Variants in MEIKIN observed in about 807,000 individuals in gnomAD.
MEIKIN encodes the protein meiosis-specific kinetochore protein.
intron 5 of MEIKIN, among the ~76,000 whole-genome samples, chr5:131,927,824 T>C (rs1343168870): frequency 6.6e-6 from 1 of 152,202 alleles, no homozygotes; most frequent in Admixed American, 6.5e-5. Context: ...TTTCCATCTC[T>C]CCATTTTTAG....
In MEIKIN at chr5:131,945,383, G is replaced by A. The variant is rs920399162; in HGVS notation, c.106+17C>T. 7.5e-6 allele frequency: 3 copies of A among 399,006 alleles called. No homozygotes were observed. The highest frequency in any genetic ancestry group is 3.6e-5 in the East Asian group (1 of 28,048). 24.7% of individuals were successfully genotyped at this position (399,006 alleles called of 1,614,324 possible). Reference sequence around the variant, plus strand: ...CAGCTCGGCTGAGCTTACGGTGGGCGAGCCTTGAGCCTGTACCTGGCGGGG... The same window carrying A: ...CAGCTCGGCTGAGCTTACGGTGGGCAAGCCTTGAGCCTGTACCTGGCGGGG... On this transcript the variant is annotated intron_variant, in intron 1 of 12. Transcript: ENST00000442687.
chr5:131,841,484 T>C (rs1287823633), intron 11 of MEIKIN, among the ~76,000 whole-genome samples: 2 of 152,212 alleles, frequency 1.3e-5, no homozygotes, highest in Admixed American at 1.3e-4. Context: ...TACACAGGTA[T>C]AGACTACTAT....
chr5:131,835,803 C>T (rs1045806825), intron 11 of MEIKIN, among the ~76,000 whole-genome samples: 3 of 152,212 alleles, frequency 2.0e-5, no homozygotes, highest in African/African-American at 7.2e-5. Context: ...CTGTGTTAGC[C>T]AGGATGGTCT....
At chr5:131,934,297 G>T (rs1205002500) in intron 4 of MEIKIN, among the ~76,000 whole-genome samples, 2 of 151,932 alleles carry the variant, frequency 1.3e-5, no homozygotes, top group African/African-American at 4.8e-5. Context: ...CCCATTAATT[G>T]TAAGCTAACT....
chr5:131,889,274 G>T (rs1420331792), intron 8 of MEIKIN, among the ~76,000 whole-genome samples: 8 of 152,126 alleles, frequency 5.3e-5, no homozygotes, highest in Non-Finnish European at 1.2e-4. Context: ...TGATGGGGAT[G>T]GCATTGAATC....
intron 11 of MEIKIN, among the ~76,000 whole-genome samples, chr5:131,841,177 A>G (rs1189819599): frequency 6.6e-6 from 1 of 152,168 alleles, no homozygotes; most frequent in African/African-American, 2.4e-5. Flanking sequence ...CTGGGCCCCA[A>G]CTTTGTTCTC....
intron 11 of MEIKIN, among the ~76,000 whole-genome samples, chr5:131,828,337 A>AT (rs1437675064): frequency 1.3e-5 from 2 of 151,520 alleles, no homozygotes; most frequent in East Asian, 2.0e-4. Context: ...TAATTTTTGT[A>AT]TTTTTTTTAG....
In MEIKIN at chr5:131,849,074, CATT is replaced by C. The variant is rs1484413903; in HGVS notation, c.975+2187_975+2189del. On this transcript the variant is annotated intron_variant, in intron 11 of 12. Transcript: ENST00000442687. Reference sequence around the variant, plus strand: ...GAAACTACTTCAACAAAATAAAAGCCATTGATACGGTTTGGATTTGTGTCCCTG... The same window carrying C: ...GAAACTACTTCAACAAAATAAAAGCCGATACGGTTTGGATTTGTGTCCCTG... Among the ~76,000 whole-genome samples, 5 of 152,194 alleles carry C rather than the reference CATT, an allele frequency of 3.3e-5. No homozygotes were observed. The East Asian group carries it at 7.7e-4, about 24-fold the overall frequency.
At chr5:131,867,902 G>A (rs1750414982) in intron 9 of MEIKIN, among the ~76,000 whole-genome samples, 1 of 152,154 alleles carries the variant, frequency 6.6e-6, no homozygotes, top group Non-Finnish European at 1.5e-5. Context: ...GAATGTAATT[G>A]CTGGATCATA....
In MEIKIN at chr5:131,936,282, T is replaced by C. The variant is rs140369277; in HGVS notation, c.350-2641A>G. Reference sequence around the variant, plus strand: ...AAAATGACAAATAGTTCTACAAGGCTTATAGCAAAAACTGCAATCTCTTGT... The same window carrying C: ...AAAATGACAAATAGTTCTACAAGGCCTATAGCAAAAACTGCAATCTCTTGT... On this transcript the variant is annotated intron_variant, in intron 4 of 12. Coordinates refer to ENST00000442687, the MANE Select transcript of MEIKIN (RefSeq NM_001303622.2). 4.7e-3 allele frequency among the ~76,000 whole-genome samples: 721 copies of C among 152,360 alleles called. 8 individuals carry two copies. Among genetic ancestry groups the C allele is most frequent in the African/African-American group, 0.016 (685 of 41,586 alleles).
At chr5:131,883,281 G>A (rs928819245) in intron 8 of MEIKIN, among the ~76,000 whole-genome samples, 5 of 152,104 alleles carry the variant, frequency 3.3e-5, no homozygotes. Context: ...TAGGTTAAGA[G>A]AAAACCTGGA....
chr5:131,864,734 G>T (rs1026322748), intron 9 of MEIKIN, among the ~76,000 whole-genome samples: 2 of 152,164 alleles, frequency 1.3e-5, no homozygotes, highest in African/African-American at 4.8e-5. Flanking sequence ...AAATCACTGA[G>T]CCTCCTGTAT....
intron 8 of MEIKIN, among the ~76,000 whole-genome samples, chr5:131,884,817 G>C (rs1750750851): frequency 6.6e-6 from 1 of 151,232 alleles, no homozygotes; most frequent in Non-Finnish European, 1.5e-5. Flanking sequence ...TGAAGGGTGA[G>C]TCCCAGGCAG....
intron 8 of MEIKIN, among the ~76,000 whole-genome samples, chr5:131,904,751 T>C (rs1751216361): frequency 6.6e-6 from 1 of 152,122 alleles, no homozygotes; most frequent in South Asian, 2.1e-4. Flanking sequence ...CAAATGCCCA[T>C]CAATGATAGG....
At chr5:131,837,009 T>C (rs1285682832) in intron 11 of MEIKIN, among the ~76,000 whole-genome samples, 1 of 152,084 alleles carries the variant, frequency 6.6e-6, no homozygotes, top group Non-Finnish European at 1.5e-5. Flanking sequence ...TTGGGTTTTA[T>C]ATTTAGGCCT....
At chr5:131,837,032 G>T (rs1313286843) in intron 11 of MEIKIN, among the ~76,000 whole-genome samples, 1 of 151,996 alleles carries the variant, frequency 6.6e-6, no homozygotes, top group East Asian at 1.9e-4. Flanking sequence ...AATCCATCTC[G>T]AGTTGATTTT....
At chr5:131,869,339 G>C (rs188016239) in intron 9 of MEIKIN, among the ~76,000 whole-genome samples, 1 of 152,128 alleles carries the variant, frequency 6.6e-6, no homozygotes, top group African/African-American at 2.4e-5. Flanking sequence ...CCATCGATCT[G>C]TTTGTTTATT....
intron 12 of MEIKIN, among the ~76,000 whole-genome samples, chr5:131,815,171 A>G (rs1016713333): frequency 2.0e-5 from 3 of 152,186 alleles, no homozygotes; most frequent in African/African-American, 4.8e-5. Context: ...CGTCACAGCA[A>G]AAGAATTTCA....
intron 8 of MEIKIN, among the ~76,000 whole-genome samples, chr5:131,910,390 T>TA (rs1751314548): frequency 6.6e-6 from 1 of 151,872 alleles, no homozygotes; most frequent in African/African-American, 2.4e-5. Context: ...CTCGTGGAGA[T>TA]AGAGAATAGA....
Sources: allele counts gnomAD v4.1 joint callset (sites outside exome capture counted in the v4.1 genomes callset), GRCh38; gene constraint gnomAD v4.1.1; transcripts MANE v1.5; gene names NCBI Gene and HGNC (gene_info 2026-07-23, HGNC 2026-07-21).